Variants in ZNF616 observed in about 807,000 individuals in gnomAD.
ZNF616 encodes zinc finger protein 616.
In ZNF616, 5 loss-of-function variants were observed where a neutral mutation model predicts 7.6. The ratio of observed to expected loss-of-function variants is 0.66; its 90% CI spans 0.34 to 1.38. ZNF616 has a LOEUF of 1.38. Among genes scored for constraint, ZNF616 ranks in the 40% most tolerant of loss-of-function variants. The pLI, the probability that ZNF616 is intolerant of heterozygous loss-of-function variation, is 0.04. For synonymous variants in ZNF616, 319 were observed against 317.2 expected, an observed-to-expected ratio of 1.01 and a Z score of -0.06; for missense variants, 913 against 948.3, an observed-to-expected ratio of 0.96 and a Z score of 0.49.
Position 52,123,986 on chromosome 19 carries a change from G to T in ZNF616, c.76C>A (p.Pro26Thr). Residue 26 changes from proline to threonine, a missense_variant, in exon 3 of 4, where the codon CCT (proline) becomes ACT (threonine). Physicochemically the swap from Pro to Thr is conservative, Grantham distance 38. Transcript: ENST00000600228. Reference sequence around the variant, plus strand: ...TCCTTGTACAAAGCTTTCTGCACAGGCTCCAGGCATTTCCACTCCTCCTGA... The same window carrying T: ...TCCTTGTACAAAGCTTTCTGCACAGTCTCCAGGCATTTCCACTCCTCCTGA... ...FSQEEWKCLE[P>T]VQKALYKDVM... 6.2e-7 allele frequency: 1 copy of T among 1,613,886 alleles called. No individual in the cohort carries two copies. The highest frequency in any genetic ancestry group is 1.3e-5 in the African/African-American group (1 of 75,028).
chr19:52,119,727 C>T (rs185067121), intron 3 of ZNF616, among the ~76,000 whole-genome samples: 17 of 152,134 alleles, frequency 1.1e-4, no homozygotes, highest in East Asian at 3.9e-4. Context: ...TATTTAAATA[C>T]GTGAATTATA....
At chr19:52,118,771 T>C (rs915456654) in intron 3 of ZNF616, among the ~76,000 whole-genome samples, 3 of 152,220 alleles carry the variant, frequency 2.0e-5, no homozygotes, top group South Asian at 4.1e-4. Flanking sequence ...TCTGTGAGTC[T>C]TTACTAAAAA....
chr19:52,131,568 G>A (rs1024840591), intron 1 of ZNF616, among the ~76,000 whole-genome samples: 8 of 152,148 alleles, frequency 5.3e-5, no homozygotes, highest in African/African-American at 1.2e-4. Context: ...GCCTTTATTG[G>A]CTTTTATTTG....
At chr19:52,133,272 C>T (rs1012482426) in intron 1 of ZNF616, among the ~76,000 whole-genome samples, 2 of 152,038 alleles carry the variant, frequency 1.3e-5, no homozygotes, top group African/African-American at 2.4e-5. Context: ...TGGAAGGAAA[C>T]GATAAGCTTT....
chr19:52,130,671 T>C, intron 1 of ZNF616, 83 bp from the exon 2 acceptor site: 1 of 1,054,084 alleles, frequency 9.5e-7, no homozygotes. Context: ...AGGGAAGAAC[T>C]CAGCCTGTGG....
At position 52,114,719 on chromosome 19, in the gene ZNF616, G is replaced by C; in HGVS notation, c.*99C>G. On this transcript the variant is annotated 3_prime_UTR_variant, in exon 4 of 4. Coordinates refer to ENST00000600228, the MANE Select transcript of ZNF616 (RefSeq NM_178523.5). The stretch of plus-strand genomic sequence containing the variant: ...CCAATGGGCCCCACCTCCAATACTG[G>C]AGATTACAATTCCACAGGGATTTCA... The C allele has an allele frequency of 7.2e-7, 1 of 1,394,974 alleles. No homozygotes were observed. Among genetic ancestry groups the C allele is most frequent in the Non-Finnish European group, 9.7e-7 (1 of 1,036,016 alleles). The allele number at this position is 1,394,974 out of a possible 1,614,324, so 86.4% of individuals were successfully genotyped here. A position where few individuals can be genotyped will look rare whatever the true frequency, so the allele number is the denominator to read the frequency against.
At chr19:52,136,219 G>A (rs577947799) in intron 1 of ZNF616, among the ~76,000 whole-genome samples, 78 of 151,570 alleles carry the variant, frequency 5.1e-4, no homozygotes, top group African/African-American at 1.8e-3. Flanking sequence ...GGTGGCTCAC[G>A]CTTGTAATCC....
rs2088818502 is a variant in ZNF616, at chr19:52,116,058, A to T, written c.1106T>A (p.Val369Glu). 2 of 1,614,218 alleles carry T rather than the reference A, an allele frequency of 1.2e-6. No individual in the cohort carries two copies. The highest frequency in any genetic ancestry group is 4.5e-5 in the East Asian group (2 of 44,890). Residue 369 changes from valine to glutamate, a missense_variant, in exon 4 of 4, where the codon GTA becomes GAA. By Grantham distance (121) the Val-to-Glu change is moderately radical. Transcript: ENST00000600228. Reference protein sequence around the residue: ...GKAFRHRSNLVCHRRIHSGEK... With the variant: ...GKAFRHRSNLECHRRIHSGEK... ...TCCACTGTGGATTCTCCGGTGACAT[A>T]CAAGATTTGATCTATGTCTGAATGC...
chr19:52,129,258 G>T (rs931502667), intron 2 of ZNF616, among the ~76,000 whole-genome samples: 1 of 152,124 alleles, frequency 6.6e-6, no homozygotes, highest in Non-Finnish European at 1.5e-5. Flanking sequence ...CGGCCTGGGT[G>T]ACAAGAGCGA....
intron 3 of ZNF616, among the ~76,000 whole-genome samples, chr19:52,122,006 A>T (rs1217438803): frequency 6.6e-6 from 1 of 152,142 alleles, no homozygotes; most frequent in East Asian, 1.9e-4. Flanking sequence ...GGCTACATGT[A>T]TAATAAAGTA....
chr19:52,116,707 T>C lies in ZNF616; in HGVS notation c.457A>G (p.Lys153Glu), dbSNP rs763267700. 24 of 1,614,058 alleles carry C rather than the reference T, an allele frequency of 1.5e-5. No homozygotes were observed. Among genetic ancestry groups the C allele is most frequent in the Non-Finnish European group, 1.9e-5 (22 of 1,180,036 alleles). Residue 153 changes from lysine to glutamate, a missense_variant, in exon 4 of 4, where the codon AAA (lysine) becomes GAA (glutamate). Physicochemically the swap from Lys to Glu is moderately conservative, Grantham distance 56. Transcript: ENST00000600228. ...TAAAGTCTCCCTTCAGTTTGAACTT[T>C]CTGCAGTTCAGCCAGACGTGACTCA... ...NFESRLAELQ[K>E]VQTEGRLYEC...
At chr19:52,127,074 G>C (rs1436622198) in intron 2 of ZNF616, among the ~76,000 whole-genome samples, 3 of 149,482 alleles carry the variant, frequency 2.0e-5, no homozygotes, top group Non-Finnish European at 4.4e-5. Flanking sequence ...TTTTTTTTTA[G>C]AAGACAGAGT....
chr19:52,124,459 G>A lies in ZNF616; in HGVS notation c.13-410C>T, dbSNP rs140975834. On this transcript the variant is annotated intron_variant, in intron 2 of 3. Transcript: ENST00000600228. Reference sequence around the variant, plus strand: ...GACCAGAGCAACAGCAATGACTGAAGTTTTGGAACACTCCCCACGTGCTGG... The same window carrying A: ...GACCAGAGCAACAGCAATGACTGAAATTTTGGAACACTCCCCACGTGCTGG... Among the ~76,000 whole-genome samples the A allele has an allele frequency of 1.3e-3, 195 of 152,294 alleles. 1 individual carries two copies. Among genetic ancestry groups the A allele is most frequent in the African/African-American group, 4.5e-3 (185 of 41,562 alleles).
rs2088883869 is a variant in ZNF616 at position 52,123,943 on chromosome 19, T to C, written c.119A>G (p.Tyr40Cys). ...ALYKDVMLEN[Y>C]RNLVFLGISP... ...CTCACCTAGGAAGACCAGGTTCCTA[T>C]AGTTCTCCAACATCACATCCTTGTA... Residue 40 changes from tyrosine to cysteine, a missense_variant, in exon 3 of 4, where the codon TAT becomes TGT. Physicochemically the swap from Tyr to Cys is radical, Grantham distance 194 (BLOSUM62 -2). Coordinates refer to ENST00000600228, the MANE Select transcript of ZNF616 (RefSeq NM_178523.5). 8 of 1,614,046 alleles carry C rather than the reference T, an allele frequency of 5.0e-6. No individual in the cohort carries two copies. The highest frequency in any genetic ancestry group is 2.2e-5 in the East Asian group (1 of 44,872).
chr19:52,128,511 A>G (rs10405763), intron 2 of ZNF616, among the ~76,000 whole-genome samples: 41,571 of 151,898 alleles, frequency 0.27, 9,890 homozygotes, highest in African/African-American at 0.64. Context: ...GGGAGGCCAA[A>G]GCGGGTGGAT....
At chr19:52,130,384 G>T in intron 2 of ZNF616, 117 bp downstream of exon 2, 1 of 951,412 alleles carries the variant, frequency 1.1e-6, no homozygotes. Context: ...AATGTGTCAG[G>T]AAGGACACTT....
intron 3 of ZNF616, among the ~76,000 whole-genome samples, chr19:52,123,295 G>A (rs536784685): frequency 3.9e-5 from 6 of 152,172 alleles, no homozygotes; most frequent in East Asian, 1.9e-4. Flanking sequence ...AGCTTTGGCC[G>A]GGCGTGGTGG....
intron 3 of ZNF616, among the ~76,000 whole-genome samples, chr19:52,119,674 A>C (rs1244715213): frequency 1.3e-5 from 2 of 152,182 alleles, no homozygotes; most frequent in Non-Finnish European, 2.9e-5. Flanking sequence ...CTGACTTTGG[A>C]CAAAAAAAGA....
intron 1 of ZNF616, among the ~76,000 whole-genome samples, chr19:52,137,040 T>C (rs76869729): frequency 0.011 from 1,461 of 131,986 alleles, 23 homozygotes; most frequent in African/African-American, 0.04. Flanking sequence ...TGTGTATATA[T>C]ATTTATGTAT....
Sources: gnomAD v4.1 joint callset for allele counts (sites outside exome capture counted in the v4.1 genomes callset) on GRCh38, gnomAD v4.1.1 for gene constraint, MANE v1.5 for transcripts, NCBI Gene and HGNC (gene_info 2026-07-23, HGNC 2026-07-21) for gene names.